The following SLIT3 variants were observed in gnomAD, a reference collection of about 807,000 sequenced individuals.
SLIT3 encodes slit homolog 3 protein.
SLIT3 carries 68 observed loss-of-function variants against 184.0 expected under a neutral mutation model. That is an observed-to-expected ratio of 0.37 (90% CI 0.30 to 0.45). The LOEUF is 0.45. Ranked by LOEUF, SLIT3 falls within the 20% of genes least tolerant of loss-of-function variation. The probability of loss-of-function intolerance (pLI) is 1.00; values close to 1 mark genes in which losing one functional copy is unlikely to be tolerated. For missense variants in SLIT3, 1,707 were observed against 2,026.0 expected, an observed-to-expected ratio of 0.84 and a Z score of 3.02; for synonymous variants, 831 against 828.6, an observed-to-expected ratio of 1.00 and a Z score of -0.05.
rs960203426 is a variant in SLIT3 at position 169,034,665 on chromosome 5, G to T, written c.414-151329C>A. Among the ~76,000 whole-genome samples, 3 of 152,100 alleles carry T rather than the reference G, an allele frequency of 2.0e-5. No homozygotes were observed. The East Asian group carries it at 5.8e-4, about 29-fold the overall frequency. The stretch of plus-strand genomic sequence containing the variant: ...CTGGAGTGTTTCTAAAAGTCATAAG[G>T]CCCAGCTAGACGCTAGATCAAATAA... On this transcript the variant is annotated intron_variant, in intron 4 of 35. Coordinates refer to ENST00000519560, the MANE Select transcript of SLIT3 (RefSeq NM_003062.4).
intron 23 of SLIT3, among the ~76,000 whole-genome samples, chr5:168,718,718 A>T (rs1762834389): frequency 7.2e-6 from 1 of 138,134 alleles, no homozygotes; most frequent in African/African-American, 3.0e-5. Flanking sequence ...ACACACACAC[A>T]CACACACACA....
At chr5:168,774,836 T>G (rs1362662101) in intron 12 of SLIT3, among the ~76,000 whole-genome samples, 2 of 152,210 alleles carry the variant, frequency 1.3e-5, no homozygotes, top group South Asian at 2.1e-4. Context: ...GGAAATCTGA[T>G]GAAAGTTATA....
intron 5 of SLIT3, among the ~76,000 whole-genome samples, chr5:168,876,552 G>A (rs1215359701): frequency 6.6e-6 from 1 of 152,130 alleles, no homozygotes; most frequent in Non-Finnish European, 1.5e-5. Flanking sequence ...TACATATGTT[G>A]GTGAATTTTC....
intron 14 of SLIT3, among the ~76,000 whole-genome samples, chr5:168,768,761 T>C (rs2113525214): frequency 6.6e-6 from 1 of 152,304 alleles, no homozygotes; most frequent in South Asian, 2.1e-4. Context: ...TCAATGCTGT[T>C]CTTTAGGAAA....
At chr5:169,052,779 C>T (rs1051191679) in intron 4 of SLIT3, among the ~76,000 whole-genome samples, 3 of 152,138 alleles carry the variant, frequency 2.0e-5, no homozygotes, top group Admixed American at 1.3e-4. Context: ...TCCACGCTAC[C>T]CAAGCTACCT....
At chr5:168,853,625 G>C (rs147264329) in intron 5 of SLIT3, among the ~76,000 whole-genome samples, 2 of 152,242 alleles carry the variant, frequency 1.3e-5, no homozygotes, top group Admixed American at 1.3e-4. Flanking sequence ...ATGCCAGTCT[G>C]ATCTCACAAT....
intron 4 of SLIT3, among the ~76,000 whole-genome samples, chr5:169,103,681 G>T (rs775052656): frequency 6.6e-6 from 1 of 152,226 alleles, no homozygotes; most frequent in Non-Finnish European, 1.5e-5. Context: ...GGGTGGAACT[G>T]CTTGCAGCCT....
intron 4 of SLIT3, among the ~76,000 whole-genome samples, chr5:168,924,827 A>G (rs2113138858): frequency 6.6e-6 from 1 of 152,216 alleles, no homozygotes; most frequent in South Asian, 2.1e-4. Context: ...TTGAGTTTTG[A>G]GCCTTGTTTC....
intron 4 of SLIT3, among the ~76,000 whole-genome samples, chr5:169,054,676 G>A (rs909780268): frequency 3.9e-5 from 6 of 152,088 alleles, no homozygotes; most frequent in Non-Finnish European, 5.9e-5. Context: ...ACTCCAACCC[G>A]TCTGCCTCTC....
intron 4 of SLIT3, among the ~76,000 whole-genome samples, chr5:169,169,879 T>G (rs10462980): frequency 0.12 from 19,027 of 152,228 alleles, 1,341 homozygotes; most frequent in South Asian, 0.24. Context: ...AAACTTCAAG[T>G]CCTGATCTTG....
At chr5:168,927,670 C>T (rs1471468085) in intron 4 of SLIT3, among the ~76,000 whole-genome samples, 1 of 152,192 alleles carries the variant, frequency 6.6e-6, no homozygotes, top group Non-Finnish European at 1.5e-5. Context: ...ACTCACCATG[C>T]CCGTTCATGT....
At chr5:169,148,853 C>T (rs994244961) in intron 4 of SLIT3, among the ~76,000 whole-genome samples, 1 of 151,174 alleles carries the variant, frequency 6.6e-6, no homozygotes, top group African/African-American at 2.4e-5. Context: ...CAAGACAAAT[C>T]GGTGATGTTT....
chr5:168,831,014 A>G (rs1010219590), intron 6 of SLIT3, among the ~76,000 whole-genome samples: 8 of 148,788 alleles, frequency 5.4e-5, no homozygotes, highest in African/African-American at 2.0e-4. Context: ...CTGTCCAAGG[A>G]GCAGGGACAG....
rs1755451867 is a variant in SLIT3, at chr5:168,994,684, C to T, written c.414-111348G>A. ...TTTTTGAGACTGAGTCTTGCTCTGT[C>T]ACCCAGGCTGGAGTGCAATGATGTG... On this transcript the variant is annotated intron_variant, in intron 4 of 35. Transcript: ENST00000519560. Among the ~76,000 whole-genome samples the T allele has an allele frequency of 2.9e-5, 3 of 104,502 alleles. No individual in the cohort carries two copies. The South Asian group carries it at 9.6e-4, about 33-fold the overall frequency. The allele number at this position is 104,502 out of a possible 152,430, so 68.6% of individuals were successfully genotyped here.
intron 20 of SLIT3, among the ~76,000 whole-genome samples, chr5:168,736,545 G>A (rs1434702096): frequency 2.6e-5 from 4 of 152,238 alleles, no homozygotes; most frequent in Non-Finnish European, 4.4e-5. Context: ...CTCTTCTCGG[G>A]CAGCAGCTTG....
At chr5:168,770,115 G>C (rs1019024098) in intron 14 of SLIT3, among the ~76,000 whole-genome samples, 1 of 152,158 alleles carries the variant, frequency 6.6e-6, no homozygotes, top group Admixed American at 6.5e-5. Context: ...ATGGGCTTGG[G>C]GTCCCAGGCA....
At chr5:168,886,424 T>C (rs1760215133) in intron 4 of SLIT3, among the ~76,000 whole-genome samples, 1 of 152,146 alleles carries the variant, frequency 6.6e-6, no homozygotes, top group African/African-American at 2.4e-5. Context: ...CATGGAGCTA[T>C]CATTAAGTAC....
At chr5:168,671,554 A>G in intron 33 of SLIT3, 71 bp from the exon 34 acceptor site, 1 of 1,494,810 alleles carries the variant, frequency 6.7e-7, no homozygotes, top group Non-Finnish European at 9.0e-7. Context: ...AGAGCGAAAA[A>G]GCACTTTTCA....
At chr5:169,159,802 G>C (rs1762422671) in intron 4 of SLIT3, among the ~76,000 whole-genome samples, 1 of 152,082 alleles carries the variant, frequency 6.6e-6, no homozygotes, top group African/African-American at 2.4e-5. Flanking sequence ...AAAAAAGCAT[G>C]ACCCAACTAT....
Sources: allele counts gnomAD v4.1 joint callset (sites outside exome capture counted in the v4.1 genomes callset), GRCh38; gene constraint gnomAD v4.1.1; transcripts MANE v1.5; gene names NCBI Gene and HGNC (gene_info 2026-07-23, HGNC 2026-07-21).